SPECC1L: variants seen among roughly 807,000 people sequenced by gnomAD.
The protein encoded by SPECC1L is cytospin-A.
Under a neutral mutation model 116.8 loss-of-function variants are expected in SPECC1L, and 40 were observed. That is an observed-to-expected ratio of 0.34 (90% CI 0.27 to 0.45). The LOEUF (loss-of-function observed/expected upper bound fraction) is 0.45. Ranked by LOEUF, SPECC1L falls within the 20% of genes least tolerant of loss-of-function variation. The pLI is 1.00. For synonymous variants in SPECC1L, 504 were observed against 500.6 expected, an observed-to-expected ratio of 1.01 and a Z score of -0.09; for missense variants, 1,110 against 1,373.6, an observed-to-expected ratio of 0.81 and a Z score of 3.03.
In SPECC1L at chr22:24,322,816, CAG is replaced by C; in HGVS notation, c.1837_1838del (p.Arg613AlafsTer11). On this transcript the variant is annotated frameshift_variant, in exon 5 of 17. Coordinates refer to ENST00000314328, the MANE Select transcript of SPECC1L (RefSeq NM_015330.6). LOFTEE classifies it high-confidence loss of function. The part of the protein sequence containing the change: ...SDIQDLLESV[R>X]LDKEKAETLA... ...ATATTCAGGACCTCCTGGAGAGTGTCAGGCTGGACAAAGAAAAAGCAGAGACT... is the reference window on the plus strand; with the variant it reads ...ATATTCAGGACCTCCTGGAGAGTGTCGCTGGACAAAGAAAAAGCAGAGACT... 1 of 1,607,040 alleles carries C rather than the reference CAG, an allele frequency of 6.2e-7. No homozygotes were observed. The highest frequency in any genetic ancestry group is 8.5e-7 in the Non-Finnish European group (1 of 1,176,740).
intron 10 of SPECC1L, among the ~76,000 whole-genome samples, chr22:24,344,547 T>C (rs1972869484): frequency 6.6e-6 from 1 of 151,360 alleles, no homozygotes; most frequent in South Asian, 2.1e-4. Context: ...ACCACTTTTG[T>C]TCAGCATTTT....
At chr22:24,316,673 T>G (rs2040574925) in intron 4 of SPECC1L, among the ~76,000 whole-genome samples, 1 of 149,402 alleles carries the variant, frequency 6.7e-6, no homozygotes, top group Admixed American at 6.6e-5. Context: ...CTCCCATGTC[T>G]ACCTCTTTCT....
intron 14 of SPECC1L, among the ~76,000 whole-genome samples, chr22:24,407,059 T>G (rs567096681): frequency 6.6e-6 from 1 of 152,298 alleles, no homozygotes; most frequent in South Asian, 2.1e-4. Flanking sequence ...AAGCTTCACT[T>G]GGGCTCCCTA....
intron 14 of SPECC1L, among the ~76,000 whole-genome samples, chr22:24,380,948 TAAGTGCTTATCATGAG>T (rs1216320327): frequency 6.6e-6 from 1 of 152,214 alleles, no homozygotes; most frequent in African/African-American, 2.4e-5. Context: ...TAATAATTTT[TAAGTGCTTATCATGAG>T]AAGTGGTAAT....
At chr22:24,279,841 G>C (rs532671823) in intron 2 of SPECC1L, among the ~76,000 whole-genome samples, 16 of 152,332 alleles carry the variant, frequency 1.1e-4, no homozygotes, top group African/African-American at 3.8e-4. Flanking sequence ...GCCTCCCAAA[G>C]TGCTGGGATT....
chr22:24,365,974 G>GT (rs754719320), intron 13 of SPECC1L, among the ~76,000 whole-genome samples: 18 of 151,880 alleles, frequency 1.2e-4, no homozygotes, highest in African/African-American at 1.7e-4. Context: ...GGCCTCGAAG[G>GT]TTGTAGACAG....
chr22:24,395,805 A>G (rs2042356706), intron 14 of SPECC1L, among the ~76,000 whole-genome samples: 1 of 151,914 alleles, frequency 6.6e-6, no homozygotes, highest in African/African-American at 2.4e-5. Flanking sequence ...CGTCTGGCTA[A>G]TTTTTTTGCA....
At chr22:24,407,934 C>T (rs555225347) in intron 14 of SPECC1L, among the ~76,000 whole-genome samples, 3 of 152,302 alleles carry the variant, frequency 2.0e-5, no homozygotes, top group African/African-American at 7.2e-5. Context: ...CTTACCTAGA[C>T]AACTAAAGGA....
At chr22:24,411,782 A>T (rs1264069832) in intron 15 of SPECC1L, 78 bp downstream of exon 15, 6 of 1,170,660 alleles carry the variant, frequency 5.1e-6, no homozygotes, top group Non-Finnish European at 7.7e-6. Context: ...CACCTGCCTC[A>T]GCAGGTCACA....
rs147354563 is a variant in SPECC1L at position 24,334,351 on chromosome 22, G to GA, written c.2397-55dup. On this transcript the variant is annotated intron_variant, in intron 8 of 16. Coordinates refer to ENST00000314328, the MANE Select transcript of SPECC1L (RefSeq NM_015330.6). The stretch of plus-strand genomic sequence containing the variant: ...TTTTAATGCCTTTCAGCTGGGAGGG[G>GA]AAAATGTGTATGTTCTAGTACCTAT... 12,112 of 1,578,942 alleles carry GA rather than the reference G, an allele frequency of 7.7e-3. 774 individuals are homozygous for GA. The African/African-American group carries it at 0.14, about 19-fold the overall frequency.
chr22:24,345,346 A>G (rs1284906197), intron 10 of SPECC1L, among the ~76,000 whole-genome samples: 5 of 152,232 alleles, frequency 3.3e-5, no homozygotes, highest in South Asian at 4.1e-4. Flanking sequence ...AGCTAAAACT[A>G]TAATTTTTAC....
intron 4 of SPECC1L, among the ~76,000 whole-genome samples, chr22:24,319,946 C>T (rs2040687081): frequency 6.6e-6 from 1 of 152,172 alleles, no homozygotes; most frequent in Non-Finnish European, 1.5e-5. Context: ...AAACATATTC[C>T]TGGCCAGGTG....
intron 11 of SPECC1L, among the ~76,000 whole-genome samples, chr22:24,348,232 G>T (rs556852599): frequency 2.0e-5 from 3 of 152,152 alleles, no homozygotes; most frequent in African/African-American, 4.8e-5. Flanking sequence ...ACTTCCATGC[G>T]TCAGGAATTC....
At chr22:24,302,060 A>T (rs56252480) in intron 2 of SPECC1L, 135 bp from the exon 3 acceptor site, 9,712 of 670,172 alleles carry the variant, frequency 0.014, 83 homozygotes, top group African/African-American at 0.035. Context: ...AAAAAAAAAA[A>T]TTTTTTTTCA....
chr22:24,357,497 G>A (rs551028241), intron 11 of SPECC1L, among the ~76,000 whole-genome samples: 6 of 152,124 alleles, frequency 3.9e-5, no homozygotes, highest in Non-Finnish European at 7.4e-5. Context: ...TTGTGTTCTG[G>A]TGTAGTGAGC....
In SPECC1L at chr22:24,414,455, C is replaced by T. The variant is rs567468118; in HGVS notation, c.3265-79C>T. On this transcript the variant is annotated intron_variant, in intron 16 of 16. Coordinates refer to ENST00000314328, the MANE Select transcript of SPECC1L (RefSeq NM_015330.6). ...AAGGCCCCATCCAACTCCAAGAGCC[C>T]ATGTTGCTATGGCAGAGCCCATTGG... 21 of 1,153,010 alleles carry T rather than the reference C, an allele frequency of 1.8e-5. No homozygotes were observed. In the South Asian group the frequency reaches 2.5e-4, roughly 14 times the overall value. 71.4% of individuals were successfully genotyped at this position (1,153,010 alleles called of 1,614,324 possible). A position where few individuals can be genotyped will look rare whatever the true frequency, so the allele number is the denominator to read the frequency against.
At chr22:24,366,565 A>G (rs1303766964) in intron 13 of SPECC1L, among the ~76,000 whole-genome samples, 1 of 152,116 alleles carries the variant, frequency 6.6e-6, no homozygotes, top group Admixed American at 6.5e-5. Context: ...ATAAATTATC[A>G]TGTCTGGATC....
In SPECC1L at chr22:24,328,873, A is replaced by G. The variant is rs1325150154; in HGVS notation, c.2174A>G (p.Lys725Arg). ...ACAGTTAAAAAACTCCAGGACCAAAAGCACGACATGGAAAGAGAAATAAAG... is the reference window on the plus strand; with the variant it reads ...ACAGTTAAAAAACTCCAGGACCAAAGGCACGACATGGAAAGAGAAATAAAG... ...ENTVKKLQDQ[K>R]HDMEREIKTL... is the part of the protein sequence containing the mutation. The change falls in exon 7 of 17, where the codon AAG becomes AGG. Residue 725 changes from lysine (K) to arginine (R), a missense_variant. By Grantham distance (26) the Lys-to-Arg change is conservative (BLOSUM62 2). This residue lies in a region of SPECC1L where 575 missense variants were observed against 682.4 expected (regional missense o/e 0.84). Coordinates refer to ENST00000314328, the MANE Select transcript of SPECC1L (RefSeq NM_015330.6). 3 of 1,613,728 alleles carry G rather than the reference A, an allele frequency of 1.9e-6. No homozygotes were observed. Among genetic ancestry groups the G allele is most frequent in the Non-Finnish European group, 2.5e-6 (3 of 1,179,788 alleles).
chr22:24,382,174 G>A (rs2042074819), intron 14 of SPECC1L, among the ~76,000 whole-genome samples: 1 of 152,204 alleles, frequency 6.6e-6, no homozygotes, highest in African/African-American at 2.4e-5. Context: ...AGGCAGCCAA[G>A]TCAAATTTGG....
Sources: allele counts gnomAD v4.1 joint callset (sites outside exome capture counted in the v4.1 genomes callset), GRCh38; gene constraint gnomAD v4.1.1; regional missense constraint gnomAD v4.1.1; transcripts MANE v1.5; gene names NCBI Gene and HGNC (gene_info 2026-07-23, HGNC 2026-07-21).